NADK2: variants seen among roughly 807,000 people sequenced by gnomAD.
NADK2 encodes NAD kinase domain-containing protein 1, mitochondrial.
In NADK2, 35 loss-of-function variants were observed where a neutral mutation model predicts 62.1. That is an observed-to-expected ratio of 0.56 (90% confidence interval 0.43 to 0.75). The LOEUF is 0.75. Among genes scored for constraint, NADK2 ranks in the 30% least tolerant of loss-of-function variants. The pLI, the probability that NADK2 is intolerant of heterozygous loss-of-function variation, is 0.00. For missense variants in NADK2, 439 were observed against 561.3 expected, an observed-to-expected ratio of 0.78 and a Z score of 2.20; for synonymous variants, 205 against 207.9, an observed-to-expected ratio of 0.99 and a Z score of 0.12.
chr5:36,240,862 T>G (rs1269677383), intron 1 of NADK2, among the ~76,000 whole-genome samples: 1 of 152,188 alleles, frequency 6.6e-6, no homozygotes, highest in Non-Finnish European at 1.5e-5. Flanking sequence ...TTCTCCCTTT[T>G]CCTTCTTAGC....
rs1746271373 is a variant in NADK2, at chr5:36,197,479, A to G, written c.1190+62T>C. The G allele has an allele frequency of 4.4e-6, 7 of 1,600,016 alleles. No individual in the cohort carries two copies. The East Asian group carries it at 1.6e-4, about 36-fold the overall frequency. On this transcript the variant is annotated intron_variant, in intron 11 of 11. Coordinates refer to ENST00000381937, the MANE Select transcript of NADK2 (RefSeq NM_001085411.3). Reference sequence around the variant, plus strand: ...AATGAAATTAAATAGTTTTCAAACCAAGTGGGCTTTGTAACAATGAAAGGG... The same window carrying G: ...AATGAAATTAAATAGTTTTCAAACCGAGTGGGCTTTGTAACAATGAAAGGG...
chr5:36,200,374 G>T, intron 9 of NADK2, 94 bp from the exon 10 acceptor site: 1 of 610,776 alleles, frequency 1.6e-6, no homozygotes, highest in Non-Finnish European at 2.4e-6. Flanking sequence ...TGCTTAAAGT[G>T]TATATGTGTT....
intron 8 of NADK2, among the ~76,000 whole-genome samples, chr5:36,202,229 C>G (rs1038128338): frequency 3.3e-5 from 5 of 152,054 alleles, no homozygotes; most frequent in African/African-American, 1.2e-4. Flanking sequence ...TCAGACATAA[C>G]CTCTACTACC....
At chr5:36,224,034 A>C (rs1747378488) in intron 4 of NADK2, among the ~76,000 whole-genome samples, 1 of 152,146 alleles carries the variant, frequency 6.6e-6, no homozygotes, top group African/African-American at 2.4e-5. Flanking sequence ...TTATTGAAGA[A>C]AGAAGGATAA....
Position 36,194,931 on chromosome 5 carries a change from T to C in NADK2, c.*213A>G, listed in dbSNP as rs902891417. 3 of 431,692 alleles carry C rather than the reference T, an allele frequency of 6.9e-6. No homozygotes were observed. The highest frequency in any genetic ancestry group is 2.0e-5 in the African/African-American group (1 of 48,832). 26.7% of individuals were successfully genotyped at this position (431,692 alleles called of 1,614,324 possible). A position where few individuals can be genotyped will look rare whatever the true frequency, so the allele number is the denominator to read the frequency against. Reference sequence around the variant, plus strand: ...AAGCAATATAAAAATTTCACTGGTATCAATTCTAATTGGTTCAGTCCATCC... The same window carrying C: ...AAGCAATATAAAAATTTCACTGGTACCAATTCTAATTGGTTCAGTCCATCC... On this transcript the variant is annotated 3_prime_UTR_variant, in exon 12 of 12. Coordinates refer to ENST00000381937, the MANE Select transcript of NADK2 (RefSeq NM_001085411.3).
intron 2 of NADK2, among the ~76,000 whole-genome samples, 158 bp downstream of exon 2, chr5:36,227,319 G>A (rs754331064): frequency 9.2e-5 from 14 of 152,112 alleles, no homozygotes; most frequent in Admixed American, 2.0e-4. Flanking sequence ...CTTTAAAGAT[G>A]CTATAAAATC....
intron 6 of NADK2, among the ~76,000 whole-genome samples, chr5:36,214,724 T>C (rs1303944265): frequency 2.0e-5 from 3 of 152,200 alleles, no homozygotes; most frequent in Admixed American, 6.5e-5. Context: ...AGATCTTCTA[T>C]GTTCTCTGTT....
rs1746281597 is a variant in NADK2, at chr5:36,197,648, A to G, written c.1083T>C (p.Asn361=). 6.3e-7 allele frequency: 1 copy of G among 1,575,098 alleles called. No individual in the cohort carries two copies. Among genetic ancestry groups the G allele is most frequent in the South Asian group, 1.2e-5 (1 of 85,306 alleles). The change falls in exon 11 of 12, where the codon AAT becomes AAC. Residue 361 remains asparagine (N), a synonymous_variant. Coordinates refer to ENST00000381937, the MANE Select transcript of NADK2 (RefSeq NM_001085411.3). The part of the protein sequence containing the change: ...ELVEKVTNEY[N]ESLLYSPEEP... ...CTTCCGGACTGTAGAGCAGTGATTC[A>G]TTATATTCATTTGTTACTACAAAGA...
At position 36,217,769 on chromosome 5, in the gene NADK2, T is replaced by A. The variant is rs200166166; in HGVS notation, c.760A>T (p.Ile254Phe). ...SLNQHNRALN[I>F]ERAHDERSEA... is the part of the protein sequence containing the mutation. ...CTACTTTCATCATGAGCTCTTTCAA[T>A]GTTAAGGGCTCTATTGTGCTGATTC... is the stretch of plus-strand genomic sequence containing the variant. Residue 254 changes from isoleucine (I) to phenylalanine (F), a missense_variant, in exon 6 of 12, where the codon ATT (isoleucine) becomes TTT (phenylalanine). Physicochemically the swap from Ile to Phe is conservative, Grantham distance 21. Coordinates refer to ENST00000381937, the MANE Select transcript of NADK2 (RefSeq NM_001085411.3). 6.2e-7 allele frequency: 1 copy of A among 1,613,784 alleles called. No homozygotes were observed. The highest frequency in any genetic ancestry group is 8.5e-7 in the Non-Finnish European group (1 of 1,179,860).
At chr5:36,217,534 T>C (rs1370384710) in intron 6 of NADK2, among the ~76,000 whole-genome samples, 2 of 152,182 alleles carry the variant, frequency 1.3e-5, no homozygotes, top group Non-Finnish European at 2.9e-5. Flanking sequence ...CCTAATCAGC[T>C]AGTTTTCAAA....
intron 7 of NADK2, among the ~76,000 whole-genome samples, chr5:36,210,368 C>T (rs970142754): frequency 6.6e-5 from 10 of 152,196 alleles, no homozygotes; most frequent in African/African-American, 2.4e-4. Flanking sequence ...CAGCTTCTGC[C>T]GGTAATGAAA....
At chr5:36,219,760 C>T (rs1747195365) in intron 4 of NADK2, 81 bp from the exon 5 acceptor site, 2 of 961,940 alleles carry the variant, frequency 2.1e-6, no homozygotes, top group Admixed American at 4.2e-5. Flanking sequence ...CAAAAGGTAT[C>T]ACTAAGCTAT....
intron 8 of NADK2, among the ~76,000 whole-genome samples, chr5:36,201,524 C>T (rs1476987140): frequency 6.6e-6 from 1 of 151,572 alleles, no homozygotes; most frequent in Non-Finnish European, 1.5e-5. Flanking sequence ...CAAATAGGTA[C>T]CCATAGAAAG....
chr5:36,219,654 C>A lies in NADK2; in HGVS notation c.586G>T (p.Val196Phe), dbSNP rs775180461. 1.9e-6 allele frequency: 3 copies of A among 1,613,606 alleles called. No individual in the cohort carries two copies. Among genetic ancestry groups the A allele is most frequent in the Non-Finnish European group, 2.5e-6 (3 of 1,179,866 alleles). Residue 196 changes from valine (V) to phenylalanine (F), a missense_variant, in exon 5 of 12, where the codon GTT (valine) becomes TTT (phenylalanine). Physicochemically the swap from Val to Phe is conservative, Grantham distance 50. Coordinates refer to ENST00000381937, the MANE Select transcript of NADK2 (RefSeq NM_001085411.3). ...TCTGGAAAGGAATGTGTATATCGAA[C>A]GGGCAGGCATAAATGACCCTCAGAC... is the stretch of plus-strand genomic sequence containing the variant. ...ERSEGHLCLP[V>F]RYTHSFPEAL... is the part of the protein sequence containing the mutation.
chr5:36,237,411 A>G (rs551489379), intron 1 of NADK2, among the ~76,000 whole-genome samples: 1 of 152,372 alleles, frequency 6.6e-6, no homozygotes, highest in South Asian at 2.1e-4. Flanking sequence ...AAAGAAAAAG[A>G]ATATTTCACT....
At chr5:36,204,161 T>A (rs1037408278) in intron 8 of NADK2, among the ~76,000 whole-genome samples, 1 of 152,182 alleles carries the variant, frequency 6.6e-6, no homozygotes, top group Non-Finnish European at 1.5e-5. Flanking sequence ...TATATAAACG[T>A]ACCTAGCACA....
At chr5:36,212,124 T>A in intron 6 of NADK2, 1 of 407,352 alleles carries the variant, frequency 2.5e-6, no homozygotes, top group Admixed American at 4.1e-5. Flanking sequence ...ACACCTGTAA[T>A]GAAGGCCCTC....
intron 4 of NADK2, among the ~76,000 whole-genome samples, chr5:36,224,863 A>G (rs1410424220): frequency 2.6e-5 from 4 of 152,186 alleles, no homozygotes; most frequent in Non-Finnish European, 4.4e-5. Context: ...AAAAGTGCCA[A>G]TAGTGTTTTT....
intron 6 of NADK2, among the ~76,000 whole-genome samples, chr5:36,213,638 TG>T (rs1426524424): frequency 2.1e-5 from 3 of 145,744 alleles, no homozygotes; most frequent in Non-Finnish European, 4.6e-5. Context: ...TATATGGATT[TG>T]ATATGTTTAA....
Sources: allele counts gnomAD v4.1 joint callset (sites outside exome capture counted in the v4.1 genomes callset), GRCh38; gene constraint gnomAD v4.1.1; transcripts MANE v1.5; gene names NCBI Gene and HGNC (gene_info 2026-07-23, HGNC 2026-07-21).